Variants in PLA2G4D observed in about 807,000 individuals in gnomAD.
PLA2G4D encodes phospholipase A2 group IVD.
PLA2G4D carries 80 observed loss-of-function variants against 94.4 expected under a neutral mutation model. The observed-to-expected ratio is 0.85, with a 90% CI of 0.71 to 1.02. PLA2G4D has a LOEUF of 1.02. Among genes scored for constraint, PLA2G4D ranks in the 50% least tolerant of loss-of-function variants. PLA2G4D has a pLI of 0.00. For synonymous variants in PLA2G4D, 438 were observed against 440.9 expected (o/e 0.99, Z 0.08); for missense variants, 1,050 against 1,034.7 (o/e 1.01, Z -0.20).
chr15:42,081,643 G>A, intron 10 of PLA2G4D, 29 bp from the exon 11 acceptor site: 1 of 1,612,640 alleles, frequency 6.2e-7, no homozygotes, highest in Non-Finnish European at 8.5e-7. Flanking sequence ...CAGGGGTCAG[G>A]GGACACCTGC....
In PLA2G4D at chr15:42,071,841, G is replaced by C; in HGVS notation, c.1506C>G (p.Phe502Leu). ...KYGAFVPPELFGSEFFMGRLM... is the reference protein window; with the variant it reads ...KYGAFVPPELLGSEFFMGRLM... ...GCCGTCCCATGAAGAACTCGGAGCC[G>C]AAGAGCTCAGGAGGGACGAAGGCCC... is the stretch of plus-strand genomic sequence containing the variant. Residue 502 changes from phenylalanine (F) to leucine (L), a missense_variant, in exon 15 of 20, where the codon TTC becomes TTG. By Grantham distance (22) the Phe-to-Leu change is conservative (BLOSUM62 0). Transcript: ENST00000290472. 6.2e-7 allele frequency: 1 copy of C among 1,614,172 alleles called. No individual in the cohort carries two copies.
At chr15:42,077,026 T>A (rs1889942211) in intron 13 of PLA2G4D, among the ~76,000 whole-genome samples, 1 of 152,150 alleles carries the variant, frequency 6.6e-6, no homozygotes, top group Non-Finnish European at 1.5e-5. Flanking sequence ...CTACCAAGAT[T>A]GAACCATGAA....
Position 42,086,194 on chromosome 15 carries a change from T to TCCCCCCCCCCCCCCCC in PLA2G4D, c.387+18_387+19insGGGGGGGGGGGGGGGG. On this transcript the variant is annotated intron_variant, in intron 4 of 19. Transcript: ENST00000290472. ...GGAAGAAGTGGGGCCCACGGGGACT[T>TCCCCCCCCCCCCCCCC]CCCCACCCACCCACCCACCTGGGGA... 1.2e-5 allele frequency: 17 copies of TCCCCCCCCCCCCCCCC among 1,370,442 alleles called. No individual in the cohort carries two copies. The highest frequency in any genetic ancestry group is 1.2e-4 in the South Asian group (8 of 66,864). The allele number at this position is 1,370,442 out of a possible 1,614,324, so 84.9% of individuals were successfully genotyped here.
chr15:42,091,826 G>T (rs542752077), intron 1 of PLA2G4D, among the ~76,000 whole-genome samples: 11 of 152,184 alleles, frequency 7.2e-5, no homozygotes, highest in Non-Finnish European at 1.6e-4. Flanking sequence ...AATGGCGTAA[G>T]CTGTCTTTCT....
chr15:42,081,273 G>A, intron 11 of PLA2G4D, 140 bp from the exon 12 acceptor site: 1 of 1,445,718 alleles, frequency 6.9e-7, no homozygotes, highest in Non-Finnish European at 9.2e-7. Flanking sequence ...TTAGAGCTGG[G>A]TCCAGCCCTC....
In PLA2G4D at chr15:42,081,105, C is replaced by T. The variant is rs188118635; in HGVS notation, c.986G>A (p.Gly329Glu). Residue 329 changes from glycine (G) to glutamate (E), a missense_variant, in exon 12 of 20, where the codon GGA (glycine) becomes GAA (glutamate). By Grantham distance (98) the Gly-to-Glu change is moderately conservative. Coordinates refer to ENST00000290472, the MANE Select transcript of PLA2G4D (RefSeq NM_178034.4). ...EVPVVGIMAT[G>E]GGARAMTSLY... is the part of the protein sequence containing the mutation. The stretch of plus-strand genomic sequence containing the variant: ...TGAGGTCATGGCCCGGGCACCTCCT[C>T]CTGTGGCCATGATGCCCACAACGGG... 3 of 1,614,196 alleles carry T rather than the reference C, an allele frequency of 1.9e-6. No individual in the cohort carries two copies. Among genetic ancestry groups the T allele is most frequent in the East Asian group, 2.2e-5 (1 of 44,884 alleles).
chr15:42,071,593 C>A (rs778008230), intron 15 of PLA2G4D, 42 bp from the exon 16 acceptor site: 1 of 1,561,486 alleles, frequency 6.4e-7, no homozygotes, highest in Non-Finnish European at 8.8e-7. Context: ...CCCCAGCCAG[C>A]GGCCCCACCC....
rs775333908 is a variant in PLA2G4D at position 42,071,433 on chromosome 15, G to A, written c.1681+11C>T. 6.2e-7 allele frequency: 1 copy of A among 1,605,896 alleles called. No homozygotes were observed. Among genetic ancestry groups the A allele is most frequent in the South Asian group, 1.1e-5 (1 of 90,158 alleles). On this transcript the variant is annotated intron_variant, in intron 16 of 19. Transcript: ENST00000290472. ...TCATCCCAGGCCCCTCAGTGCCCCT[G>A]CCCTTCCCACCTAAGCTCCTGGTCT...
At chr15:42,076,564 G>T (rs942095409) in intron 13 of PLA2G4D, among the ~76,000 whole-genome samples, 1 of 152,096 alleles carries the variant, frequency 6.6e-6, no homozygotes, top group African/African-American at 2.4e-5. Context: ...ATGGAAAGGG[G>T]TTTGAATAGG....
At chr15:42,076,933 T>C (rs1485064761) in intron 13 of PLA2G4D, among the ~76,000 whole-genome samples, 1 of 152,192 alleles carries the variant, frequency 6.6e-6, no homozygotes, top group Non-Finnish European at 1.5e-5. Flanking sequence ...AATAATATCA[T>C]ATTTTTCTTA....
intron 1 of PLA2G4D, among the ~76,000 whole-genome samples, chr15:42,092,043 C>T (rs1360809390): frequency 6.6e-6 from 1 of 152,194 alleles, no homozygotes; most frequent in African/African-American, 2.4e-5. Context: ...AGTGGTCCCC[C>T]GGGCCCAGCT....
At chr15:42,090,626 C>G (rs1440526721) in intron 1 of PLA2G4D, among the ~76,000 whole-genome samples, 7 of 152,180 alleles carry the variant, frequency 4.6e-5, no homozygotes, top group Admixed American at 3.9e-4. Context: ...CTGGGCACAG[C>G]CCCTGGTCCT....
rs750004206 is a variant in PLA2G4D at position 42,094,466 on chromosome 15, C to T, written c.-7G>A. The T allele has an allele frequency of 5.6e-6, 9 of 1,614,086 alleles. No individual in the cohort carries two copies. In the Admixed American group the frequency reaches 6.7e-5, roughly 12 times the overall value. ...CAGGTGACAGGCTCTCCATGCTAGCCCTTCCAGCTTCACTCCAGGCCCAGC... is the reference window on the plus strand; with the variant it reads ...CAGGTGACAGGCTCTCCATGCTAGCTCTTCCAGCTTCACTCCAGGCCCAGC... On this transcript the variant is annotated 5_prime_UTR_variant, in exon 1 of 20. Coordinates refer to ENST00000290472, the MANE Select transcript of PLA2G4D (RefSeq NM_178034.4).
intron 1 of PLA2G4D, among the ~76,000 whole-genome samples, chr15:42,090,067 G>C (rs1004352828): frequency 1.3e-5 from 2 of 152,178 alleles, no homozygotes; most frequent in African/African-American, 4.8e-5. Context: ...TGGTCTTTAC[G>C]GGGGCTTAAA....
intron 7 of PLA2G4D, 50 bp from the exon 8 acceptor site, chr15:42,083,384 A>G: frequency 6.3e-7 from 1 of 1,575,208 alleles, no homozygotes; most frequent in Non-Finnish European, 8.6e-7. Context: ...CCGGAACCCC[A>G]GCTCGGACCT....
chr15:42,069,960 G>T lies in PLA2G4D; in HGVS notation c.2179C>A (p.Leu727Met). Residue 727 changes from leucine to methionine, a missense_variant, in exon 19 of 20, where the codon CTG becomes ATG. Leu to Met is a conservative substitution (Grantham distance 15). Transcript: ENST00000290472. Reference protein sequence around the residue: ...SDPACPEAPILLHFPLVNASF... With the variant: ...SDPACPEAPIMLHFPLVNASF... ...GCATTGACCAGCGGGAAGTGCAGCA[G>T]GATCGGGGCCTCGGGGCAGGCGGGG... 4.8e-6 allele frequency: 7 copies of T among 1,465,166 alleles called. No homozygotes were observed. The highest frequency in any genetic ancestry group is 6.3e-6 in the Non-Finnish European group (7 of 1,111,658). 90.8% of individuals were successfully genotyped at this position (1,465,166 alleles called of 1,614,324 possible).
In PLA2G4D at chr15:42,072,260, T is replaced by C. The variant is rs1179732551; in HGVS notation, c.1435+15A>G. 1.3e-5 allele frequency: 21 copies of C among 1,596,254 alleles called. No individual in the cohort carries two copies. In the Admixed American group the frequency reaches 3.4e-4, roughly 26 times the overall value. Reference sequence around the variant, plus strand: ...GGGGGTGGAGTATGTGGGAGGGGAGTAGGTAGAACTGTACCCTTGAAGTCC... The same window carrying C: ...GGGGGTGGAGTATGTGGGAGGGGAGCAGGTAGAACTGTACCCTTGAAGTCC... On this transcript the variant is annotated intron_variant, in intron 14 of 19. Transcript: ENST00000290472.
At chr15:42,080,925 T>A (rs1595594684) in intron 12 of PLA2G4D, 72 bp downstream of exon 12, 3 of 1,539,492 alleles carry the variant, frequency 1.9e-6, no homozygotes, top group Middle Eastern at 3.5e-4. Context: ...ACACAAAGTG[T>A]CCCTCTGGTG....
rs116032212 is a variant in PLA2G4D at position 42,093,110 on chromosome 15, C to A, written c.45+1305G>T. 2.6e-5 allele frequency among the ~76,000 whole-genome samples: 4 copies of A among 152,192 alleles called. No individual in the cohort carries two copies. In the South Asian group the frequency reaches 8.3e-4, roughly 32 times the overall value. On this transcript the variant is annotated intron_variant, in intron 1 of 19. Coordinates refer to ENST00000290472, the MANE Select transcript of PLA2G4D (RefSeq NM_178034.4). ...GCCTAGCCTGCTGGCCCAGGTCCCG[C>A]TCTGGGGCAGGTTCCAGGCCCCTGT...
Sources: gnomAD v4.1 joint callset for allele counts (sites outside exome capture counted in the v4.1 genomes callset) on GRCh38, gnomAD v4.1.1 for gene constraint, MANE v1.5 for transcripts, NCBI Gene and HGNC (gene_info 2026-07-23, HGNC 2026-07-21) for gene names.